The following FREM1 variants were observed in gnomAD, a reference collection of about 807,000 sequenced individuals.
FREM1 encodes the protein FRAS1-related extracellular matrix protein 1.
Under a neutral mutation model 210.1 loss-of-function variants are expected in FREM1, and 220 were observed. The ratio of observed to expected loss-of-function variants is 1.05; its 90% CI spans 0.94 to 1.17. The LOEUF (loss-of-function observed/expected upper bound fraction) is 1.17, where lower values mean the gene tolerates loss of function less well. FREM1 is among the 50% of genes most tolerant of loss of function. FREM1 has a pLI of 0.00. For synonymous variants in FREM1, 1,189 were observed against 980.2 expected (o/e 1.21, Z -3.98); for missense variants, 3,454 against 2,675.5 (o/e 1.29, Z -6.42).
chr9:14,757,277 C>T (rs1444577543), intron 28 of FREM1, among the ~76,000 whole-genome samples: 1 of 152,128 alleles, frequency 6.6e-6, no homozygotes, highest in Non-Finnish European at 1.5e-5. Context: ...GTCCTTGAGC[C>T]GGCACGGTGG....
At chr9:14,899,234 A>G (rs1838326158) in intron 1 of FREM1, among the ~76,000 whole-genome samples, 1 of 152,188 alleles carries the variant, frequency 6.6e-6, no homozygotes, top group South Asian at 2.1e-4. Context: ...CCATGTCCCC[A>G]CAGTGAGACA....
At chr9:14,739,500 T>C in intron 36 of FREM1, among the ~76,000 whole-genome samples, 1 of 146,196 alleles carries the variant, frequency 6.8e-6, no homozygotes, top group Middle Eastern at 3.3e-3. Context: ...TATTCATATA[T>C]ATATGAATAT....
chr9:14,740,333 A>G, intron 35 of FREM1, 99 bp from the exon 36 acceptor site: 2 of 874,846 alleles, frequency 2.3e-6, no homozygotes, highest in Admixed American at 2.1e-5. Flanking sequence ...AAAATACACA[A>G]AAAAGTAGGT....
chr9:14,747,497 G>C lies in FREM1; in HGVS notation c.5845-69C>G. On this transcript the variant is annotated intron_variant, in intron 32 of 36. Coordinates refer to ENST00000380880, the MANE Select transcript of FREM1 (RefSeq NM_001379081.2). The stretch of plus-strand genomic sequence containing the variant: ...ATCAAGATAGCAAACAAAAAAATGA[G>C]CAATTCAAAAATTCAGTCAAAGCAA... 3 of 1,479,436 alleles carry C rather than the reference G, an allele frequency of 2.0e-6. 1 individual carries two copies. In the South Asian group the frequency reaches 3.9e-5, roughly 19 times the overall value. 91.6% of individuals were successfully genotyped at this position (1,479,436 alleles called of 1,614,324 possible).
At chr9:14,746,514 C>T (rs1216587658) in intron 34 of FREM1, 46 bp from the exon 35 acceptor site, 1 of 1,490,070 alleles carries the variant, frequency 6.7e-7, no homozygotes, top group Admixed American at 1.7e-5. Flanking sequence ...TCTTTACAAT[C>T]TGGAGTTGGT....
rs760571146 is a variant in FREM1, at chr9:14,747,323, C to A, written c.5950G>T (p.Ala1984Ser). The change falls in exon 33 of 37, where the codon GCA becomes TCA. Residue 1984 changes from alanine (A) to serine (S), a missense_variant. Coordinates refer to ENST00000380880, the MANE Select transcript of FREM1 (RefSeq NM_001379081.2). ...ISQPQKTIKV[A>S]ELPQADKVES... Reference sequence around the variant, plus strand: ...ACCTTATCTGCTTGAGGCAGTTCTGCCACTTTGATTGTCTTTTGTGGCTGA... The same window carrying A: ...ACCTTATCTGCTTGAGGCAGTTCTGACACTTTGATTGTCTTTTGTGGCTGA... The A allele has an allele frequency of 1.2e-6, 2 of 1,613,634 alleles. No individual in the cohort carries two copies. Among genetic ancestry groups the A allele is most frequent in the Middle Eastern group, 1.7e-4 (1 of 6,060 alleles).
intron 1 of FREM1, among the ~76,000 whole-genome samples, chr9:14,889,906 C>T (rs909075285): frequency 9.2e-5 from 14 of 152,136 alleles, no homozygotes; most frequent in African/African-American, 3.4e-4. Context: ...TTATCCTAAG[C>T]TTGATGAAGA....
intron 1 of FREM1, among the ~76,000 whole-genome samples, chr9:14,877,111 C>A (rs1428780835): frequency 6.6e-6 from 1 of 152,126 alleles, no homozygotes; most frequent in Admixed American, 6.5e-5. Context: ...AATGCTGGGA[C>A]CCTAGAGTCC....
At chr9:14,867,705 T>C (rs1388430246) in intron 2 of FREM1, among the ~76,000 whole-genome samples, 1 of 152,184 alleles carries the variant, frequency 6.6e-6, no homozygotes, top group East Asian at 1.9e-4. Context: ...TTTAGCCAAA[T>C]GAAAAGGAAA....
intron 20 of FREM1, among the ~76,000 whole-genome samples, chr9:14,800,842 C>A (rs1248456846): frequency 1.3e-5 from 2 of 151,952 alleles, no homozygotes; most frequent in African/African-American, 4.8e-5. Flanking sequence ...TTTCTTCATC[C>A]CCTATTTCTG....
chr9:14,779,513 T>C, intron 24 of FREM1: 1 of 985,102 alleles, frequency 1.0e-6, no homozygotes, highest in Non-Finnish European at 1.2e-6. Flanking sequence ...TATCTAATTC[T>C]GACTTTCCTC....
intron 1 of FREM1, among the ~76,000 whole-genome samples, chr9:14,877,728 G>A (rs1248531789): frequency 6.6e-6 from 1 of 152,064 alleles, no homozygotes; most frequent in Admixed American, 6.6e-5. Context: ...GCTTGGAAGT[G>A]GCTTCTTCCT....
chr9:14,776,160 C>A lies in FREM1; in HGVS notation c.4486G>T (p.Glu1496Ter), dbSNP rs1423398335. 1.3e-6 allele frequency: 2 copies of A among 1,550,968 alleles called. No individual in the cohort carries two copies. Among genetic ancestry groups the A allele is most frequent in the South Asian group, 2.5e-5 (2 of 80,048 alleles). The stretch of plus-strand genomic sequence containing the variant: ...CTGTCCACAGTCTCCAGTGTGATCT[C>A]AAACACCCCGTGCTCGGTCCGCAGT... ...NGLRTEHGVF[E>*]ITLETVDRAL... Residue 1496 changes from glutamate to a stop codon, truncating the protein, a stop_gained, in exon 25 of 37, where the codon GAG becomes TAG. Coordinates refer to ENST00000380880, the MANE Select transcript of FREM1 (RefSeq NM_001379081.2). LOFTEE classifies it high-confidence loss of function.
rs925035105 is a variant in FREM1, at chr9:14,868,672, T to C, written c.234+72A>G. 11 of 946,852 alleles carry C rather than the reference T, an allele frequency of 1.2e-5. No homozygotes were observed. The Admixed American group carries it at 1.4e-4, about 12-fold the overall frequency. The allele number at this position is 946,852 out of a possible 1,614,324, so 58.7% of individuals were successfully genotyped here. ...GGGGAGACATTTTACATCTGTTCTC[T>C]GTCCCCCCACACATTTTCATACACT... is the stretch of plus-strand genomic sequence containing the variant. On this transcript the variant is annotated intron_variant, in intron 2 of 36. Coordinates refer to ENST00000380880, the MANE Select transcript of FREM1 (RefSeq NM_001379081.2).
chr9:14,822,504 T>C (rs1821555388), intron 13 of FREM1, among the ~76,000 whole-genome samples: 1 of 152,218 alleles, frequency 6.6e-6, no homozygotes, highest in Non-Finnish European at 1.5e-5. Context: ...TTTGTCTTCC[T>C]GCTTTTAAGG....
Position 14,861,351 on chromosome 9 carries a change from A to G in FREM1, c.330-1867T>C, listed in dbSNP as rs375593963. Among the ~76,000 whole-genome samples, 46 of 129,322 alleles carry G rather than the reference A, an allele frequency of 3.6e-4. 2 individuals are homozygous for G. The highest frequency in any genetic ancestry group is 3.9e-3 in the Middle Eastern group (1 of 256). 84.8% of individuals were successfully genotyped at this position (129,322 alleles called of 152,430 possible). A position where few individuals can be genotyped will look rare whatever the true frequency, so the allele number is the denominator to read the frequency against. On this transcript the variant is annotated intron_variant, in intron 3 of 36. Coordinates refer to ENST00000380880, the MANE Select transcript of FREM1 (RefSeq NM_001379081.2). ...TATACATATATACACATATATATAC[A>G]TATATACACATATATACACGTATAT...
chr9:14,840,668 G>C (rs888379726), intron 10 of FREM1, among the ~76,000 whole-genome samples: 2 of 152,186 alleles, frequency 1.3e-5, no homozygotes, highest in Admixed American at 6.5e-5. Flanking sequence ...TTCAAGATGA[G>C]ATTTGGGTGG....
In FREM1 at chr9:14,859,373, G is replaced by C. The variant is rs759985273; in HGVS notation, c.441C>G (p.Phe147Leu). The C allele has an allele frequency of 1.2e-6, 2 of 1,613,826 alleles. No homozygotes were observed. The highest frequency in any genetic ancestry group is 2.7e-5 in the African/African-American group (2 of 74,904). Residue 147 changes from phenylalanine (F) to leucine (L), a missense_variant, in exon 4 of 37, where the codon TTC becomes TTG. Transcript: ENST00000380880. ...TATCAATCGCTTGGGACAAGCCATT[G>C]AATTCAGGCACCTCCAGCACATTGT... ...MSNNVLEVPE[F>L]NGLSQAIDKN...
intron 21 of FREM1, among the ~76,000 whole-genome samples, chr9:14,794,925 G>A (rs572648465): frequency 6.6e-6 from 1 of 151,206 alleles, no homozygotes; most frequent in South Asian, 2.1e-4. Context: ...GTGAACCTGG[G>A]AGACAGAGCT....
Sources: allele counts gnomAD v4.1 joint callset (sites outside exome capture counted in the v4.1 genomes callset), GRCh38; gene constraint gnomAD v4.1.1; transcripts MANE v1.5; gene names NCBI Gene and HGNC (gene_info 2026-07-23, HGNC 2026-07-21).